Variants in HCN1 observed in about 807,000 individuals in gnomAD.
The protein encoded by HCN1 is hyperpolarization activated cyclic nucleotide gated potassium channel 1.
A neutral mutation model predicts 78.9 loss-of-function variants in HCN1; 13 were observed. The observed-to-expected ratio is 0.16, with a 90% CI of 0.11 to 0.26. The LOEUF is 0.26. Ranked by LOEUF, HCN1 falls within the 10% of genes least tolerant of loss-of-function variation. HCN1 has a pLI of 1.00. For synonymous variants in HCN1, 552 were observed against 455.5 expected, an observed-to-expected ratio of 1.21 and a Z score of -2.70; for missense variants, 810 against 1,154.3, an observed-to-expected ratio of 0.70 and a Z score of 4.32.
chr5:45,462,571 C>T (rs1741184269), intron 2 of HCN1, among the ~76,000 whole-genome samples: 1 of 151,962 alleles, frequency 6.6e-6, no homozygotes, highest in African/African-American at 2.4e-5. Flanking sequence ...GAGATAAAGG[C>T]TACCTGGATT....
At chr5:45,442,641 T>C (rs1451633379) in intron 3 of HCN1, among the ~76,000 whole-genome samples, 1 of 150,340 alleles carries the variant, frequency 6.7e-6, no homozygotes, top group Non-Finnish European at 1.5e-5. Context: ...AAAAAACATC[T>C]GAATATTCAG....
intron 2 of HCN1, among the ~76,000 whole-genome samples, chr5:45,606,272 A>C (rs964700984): frequency 5.9e-5 from 9 of 152,040 alleles, no homozygotes; most frequent in African/African-American, 1.9e-4. Flanking sequence ...GTGTATACAG[A>C]AACTCCACCT....
chr5:45,526,076 T>A (rs1380987016), intron 2 of HCN1, among the ~76,000 whole-genome samples: 6 of 151,966 alleles, frequency 3.9e-5, no homozygotes, highest in Non-Finnish European at 8.8e-5. Context: ...GATCTTAGAC[T>A]TCCACCCTCC....
rs751307473 is a variant in HCN1, at chr5:45,281,579, CTTTT to C, written c.1619-14330_1619-14327del. 2.2e-3 allele frequency among the ~76,000 whole-genome samples: 179 copies of C among 81,594 alleles called. 1 individual carries two copies. Among genetic ancestry groups the C allele is most frequent in the Non-Finnish European group, 3.3e-3 (138 of 41,520 alleles). 53.5% of individuals were successfully genotyped at this position (81,594 alleles called of 152,430 possible). ...AAAAATATACAAGAGCTCTTCTCTT[CTTTT>C]TTTTTTTTTTTTTTTTTTTTTTTGA... On this transcript the variant is annotated intron_variant, in intron 6 of 7. Coordinates refer to ENST00000303230, the MANE Select transcript of HCN1 (RefSeq NM_021072.4).
At chr5:45,454,828 A>G (rs1287644391) in intron 3 of HCN1, among the ~76,000 whole-genome samples, 2 of 152,098 alleles carry the variant, frequency 1.3e-5, no homozygotes, top group East Asian at 3.9e-4. Flanking sequence ...TTCTAATTGT[A>G]TATGTGAGCT....
chr5:45,297,808 AAATC>A (rs1745530246), intron 6 of HCN1, among the ~76,000 whole-genome samples: 1 of 152,102 alleles, frequency 6.6e-6, no homozygotes, highest in Non-Finnish European at 1.5e-5. Flanking sequence ...TTTAAAATTA[AAATC>A]AATCAAAACA....
chr5:45,498,912 G>A (rs997926481), intron 2 of HCN1, among the ~76,000 whole-genome samples: 1 of 152,142 alleles, frequency 6.6e-6, no homozygotes, highest in Non-Finnish European at 1.5e-5. Context: ...AGGGGTCAGG[G>A]ACCCACTTTA....
intron 2 of HCN1, among the ~76,000 whole-genome samples, chr5:45,619,108 A>G (rs2111991482): frequency 6.6e-6 from 1 of 152,238 alleles, no homozygotes; most frequent in East Asian, 1.9e-4. Context: ...TGAGGAATCT[A>G]TAATCAGTCA....
At chr5:45,408,359 C>G (rs1178949854) in intron 3 of HCN1, among the ~76,000 whole-genome samples, 1 of 151,966 alleles carries the variant, frequency 6.6e-6, no homozygotes, top group Admixed American at 6.6e-5. Flanking sequence ...CTGTTATACC[C>G]TTTTATTTTT....
intron 1 of HCN1, among the ~76,000 whole-genome samples, chr5:45,649,838 T>A (rs1351581917): frequency 6.6e-6 from 1 of 152,144 alleles, no homozygotes; most frequent in East Asian, 1.9e-4. Flanking sequence ...AAACCTTTTA[T>A]AATAAGCCAA....
At chr5:45,297,092 C>T (rs1233853550) in intron 6 of HCN1, among the ~76,000 whole-genome samples, 1 of 151,764 alleles carries the variant, frequency 6.6e-6, no homozygotes, top group Non-Finnish European at 1.5e-5. Context: ...AGAGATTTAC[C>T]CACATATTTA....
chr5:45,384,840 C>T (rs1304324934), intron 4 of HCN1, among the ~76,000 whole-genome samples: 1 of 152,130 alleles, frequency 6.6e-6, no homozygotes, highest in African/African-American at 2.4e-5. Flanking sequence ...TGTGACTCTG[C>T]TAGTTAGAGG....
chr5:45,666,471 C>G (rs1354683446), intron 1 of HCN1, among the ~76,000 whole-genome samples: 1 of 151,970 alleles, frequency 6.6e-6, no homozygotes, highest in Non-Finnish European at 1.5e-5. Flanking sequence ...AGGCCACAAC[C>G]ACAATATGTA....
chr5:45,404,693 CAAAAAAAAAAA>C (rs60728403), intron 3 of HCN1, among the ~76,000 whole-genome samples: 1,784 of 56,318 alleles, frequency 0.032, 44 homozygotes, highest in African/African-American at 0.099. Flanking sequence ...GGGCTATTTG[CAAAAAAAAAAA>C]AAAAAAAAAA....
rs867560256 is a variant in HCN1, at chr5:45,502,591, A to G, written c.850-40584T>C. 2.0e-4 allele frequency among the ~76,000 whole-genome samples: 31 copies of G among 152,216 alleles called. No individual in the cohort carries two copies. In the Middle Eastern group the frequency reaches 0.01, roughly 50 times the overall value. ...TTTTTTTCTTCTTTATATTAGATAA[A>G]TGATAACTATAATTCACAATAAAAA... is the stretch of plus-strand genomic sequence containing the variant. On this transcript the variant is annotated intron_variant, in intron 2 of 7. Transcript: ENST00000303230.
At chr5:45,508,554 G>A (rs1188124083) in intron 2 of HCN1, among the ~76,000 whole-genome samples, 5 of 151,932 alleles carry the variant, frequency 3.3e-5, no homozygotes, top group South Asian at 2.1e-4. Context: ...GAAAAAAATA[G>A]GGAAAGAAAA....
At chr5:45,509,416 A>G (rs1331826883) in intron 2 of HCN1, among the ~76,000 whole-genome samples, 4 of 152,162 alleles carry the variant, frequency 2.6e-5, no homozygotes. Flanking sequence ...AAAAAAAAGC[A>G]TTTGAATAGT....
At chr5:45,393,815 G>T (rs747977380) in intron 4 of HCN1, among the ~76,000 whole-genome samples, 4 of 152,154 alleles carry the variant, frequency 2.6e-5, no homozygotes, top group Non-Finnish European at 5.9e-5. Flanking sequence ...TCATTGAACT[G>T]CAAATCTGAG....
intron 2 of HCN1, among the ~76,000 whole-genome samples, chr5:45,601,231 C>A (rs1309535446): frequency 6.6e-6 from 1 of 151,982 alleles, no homozygotes; most frequent in East Asian, 1.9e-4. Context: ...GTAGGTGTTT[C>A]TTTTATGGTT....
Sources: allele counts gnomAD v4.1 joint callset (sites outside exome capture counted in the v4.1 genomes callset), GRCh38; gene constraint gnomAD v4.1.1; transcripts MANE v1.5; gene names NCBI Gene and HGNC (gene_info 2026-07-23, HGNC 2026-07-21).